Variants in KIF26B observed in about 807,000 individuals in gnomAD.
KIF26B encodes kinesin-like protein KIF26B.
In KIF26B, 63 loss-of-function variants were observed where a neutral mutation model predicts 151.2. That is an observed-to-expected ratio of 0.42 (90% CI 0.34 to 0.51). The LOEUF is 0.51. Ranked by LOEUF, KIF26B falls within the 20% of genes least tolerant of loss-of-function variation. The pLI, the probability that KIF26B is intolerant of heterozygous loss-of-function variation, is 0.07. For missense variants in KIF26B, 2,813 were observed against 2,913.6 expected (o/e 0.97, Z 0.79); for synonymous variants, 1,357 against 1,262.1 (o/e 1.08, Z -1.59).
chr1:245,362,329 C>G (rs1672840539), intron 2 of KIF26B, among the ~76,000 whole-genome samples: 1 of 145,064 alleles, frequency 6.9e-6, no homozygotes, highest in Admixed American at 7.0e-5. Context: ...GAGATCAAGA[C>G]CATCCTGGCC....
chr1:245,677,017 ATGC>A (rs2044365461), intron 10 of KIF26B, among the ~76,000 whole-genome samples: 1 of 152,204 alleles, frequency 6.6e-6, no homozygotes, highest in African/African-American at 2.4e-5. Context: ...ATCTCAAATG[ATGC>A]TGCTTGCACC....
chr1:245,177,692 G>A (rs1298608876), intron 2 of KIF26B, among the ~76,000 whole-genome samples: 2 of 142,528 alleles, frequency 1.4e-5, no homozygotes, highest in Admixed American at 6.9e-5. Context: ...GTGTGTGTGT[G>A]TGTCTTTCCC....
rs1289869331 is a variant in KIF26B, at chr1:245,702,903, G to C, written c.*297G>C. ...AAGACCTTGTTTGTACATAAGAACT[G>C]CTAGCAAAAGAGACCTCACTCTTCT... On this transcript the variant is annotated 3_prime_UTR_variant, in exon 15 of 15. Coordinates refer to ENST00000407071, the MANE Select transcript of KIF26B (RefSeq NM_018012.4). The surrounding 1 kb of genome is among the most constrained non-coding windows in gnomAD (Gnocchi z 4.1). 3 of 325,838 alleles carry C rather than the reference G, an allele frequency of 9.2e-6. No individual in the cohort carries two copies. Among genetic ancestry groups the C allele is most frequent in the African/African-American group, 6.3e-5 (3 of 47,390 alleles). The allele number at this position is 325,838 out of a possible 1,614,324, so 20.2% of individuals were successfully genotyped here. A position where few individuals can be genotyped will look rare whatever the true frequency, so the allele number is the denominator to read the frequency against.
chr1:245,559,402 GT>G (rs879313068), intron 5 of KIF26B, among the ~76,000 whole-genome samples: 6 of 148,360 alleles, frequency 4.0e-5, no homozygotes, highest in East Asian at 2.0e-4. Context: ...GAGTAACAAG[GT>G]TTTTTTTTTG....
intron 3 of KIF26B, among the ~76,000 whole-genome samples, chr1:245,374,519 G>A (rs1673226953): frequency 1.3e-5 from 2 of 152,048 alleles, no homozygotes; most frequent in Admixed American, 6.6e-5. Flanking sequence ...GCTCTTGAGG[G>A]CTCATCCAGC....
At chr1:245,191,291 A>G (rs1217761693) in intron 2 of KIF26B, among the ~76,000 whole-genome samples, 1 of 151,692 alleles carries the variant, frequency 6.6e-6, no homozygotes, top group African/African-American at 2.4e-5. Flanking sequence ...CCTGGCCAAC[A>G]TGGTGAAACC....
At chr1:245,274,408 T>C (rs900829183) in intron 2 of KIF26B, among the ~76,000 whole-genome samples, 5 of 151,782 alleles carry the variant, frequency 3.3e-5, no homozygotes, top group Non-Finnish European at 7.4e-5. Flanking sequence ...CGGTGTGTGA[T>C]GTTCCCCTCC....
intron 3 of KIF26B, among the ~76,000 whole-genome samples, chr1:245,388,786 G>A (rs571327161): frequency 6.6e-6 from 1 of 152,318 alleles, no homozygotes. Flanking sequence ...AGTCTGTTGG[G>A]TGGAAGACAT....
At chr1:245,281,235 T>C (rs1671043590) in intron 2 of KIF26B, among the ~76,000 whole-genome samples, 1 of 77,612 alleles carries the variant, frequency 1.3e-5, no homozygotes, top group Non-Finnish European at 2.4e-5. Context: ...TGTAAAAGTG[T>C]TCCTATTTCT....
chr1:245,706,158 A>G lies in KIF26B; in HGVS notation c.*3552A>G, dbSNP rs1232164692. The stretch of plus-strand genomic sequence containing the variant: ...AACTTGAAGTCTATTATGTTCTTAT[A>G]AGGCGGTAGTGACTTCAGTCCAGCC... On this transcript the variant is annotated 3_prime_UTR_variant, in exon 15 of 15. Coordinates refer to ENST00000407071, the MANE Select transcript of KIF26B (RefSeq NM_018012.4). 6.6e-6 allele frequency: 1 copy of G among 152,176 alleles called. No homozygotes were observed. Among genetic ancestry groups the G allele is most frequent in the East Asian group, 1.9e-4 (1 of 5,188 alleles). The allele number at this position is 152,176 out of a possible 1,614,324, so 9.4% of individuals were successfully genotyped here. A position where few individuals can be genotyped will look rare whatever the true frequency, so the allele number is the denominator to read the frequency against.
intron 2 of KIF26B, among the ~76,000 whole-genome samples, chr1:245,305,250 A>G (rs1671513839): frequency 6.6e-6 from 1 of 152,244 alleles, no homozygotes; most frequent in South Asian, 2.1e-4. Context: ...TTGGGACTAT[A>G]TCAAAATGGA....
intron 3 of KIF26B, among the ~76,000 whole-genome samples, chr1:245,392,693 A>G (rs1470038533): frequency 6.6e-6 from 1 of 152,024 alleles, no homozygotes; most frequent in African/African-American, 2.4e-5. Context: ...TGTCACAGGG[A>G]TGTCTTTTGG....
chr1:245,205,041 C>T (rs1669374968), intron 2 of KIF26B, among the ~76,000 whole-genome samples: 1 of 152,156 alleles, frequency 6.6e-6, no homozygotes, highest in African/African-American at 2.4e-5. Context: ...CTGCCTTGGA[C>T]TCCCAAAGTG....
chr1:245,474,414 TG>T lies in KIF26B; in HGVS notation c.1166+54670del, dbSNP rs1333059846. Among the ~76,000 whole-genome samples the T allele has an allele frequency of 3.9e-4, 53 of 137,362 alleles. 2 individuals are homozygous for T. Among genetic ancestry groups the T allele is most frequent in the Middle Eastern group, 4.5e-3 (1 of 222 alleles). 90.1% of individuals were successfully genotyped at this position (137,362 alleles called of 152,430 possible). ...TGAGCCACTGCTCCTGGCTTTTTTT[TG>T]TTGTTGTTTTTTTTTTTTTGGAGTC... On this transcript the variant is annotated intron_variant, in intron 4 of 14. Coordinates refer to ENST00000407071, the MANE Select transcript of KIF26B (RefSeq NM_018012.4).
At chr1:245,472,730 G>A (rs2103064599) in intron 4 of KIF26B, among the ~76,000 whole-genome samples, 1 of 152,300 alleles carries the variant, frequency 6.6e-6, no homozygotes. Flanking sequence ...GATAACTCCA[G>A]TGAACTCCTT....
chr1:245,341,968 T>A (rs1363613931), intron 2 of KIF26B, among the ~76,000 whole-genome samples: 2 of 152,212 alleles, frequency 1.3e-5, no homozygotes, highest in Admixed American at 1.3e-4. Flanking sequence ...TGATTTTCTT[T>A]TCACTTCAGT....
chr1:245,521,912 CTGGA>C (rs200314547), intron 4 of KIF26B, among the ~76,000 whole-genome samples: 23,370 of 149,112 alleles, frequency 0.16, 2,347 homozygotes, highest in Middle Eastern at 0.29. Flanking sequence ...GTCACCCAGG[CTGGA>C]TGGAGTGCAG....
intron 3 of KIF26B, among the ~76,000 whole-genome samples, chr1:245,389,252 T>A (rs1382315178): frequency 1.3e-5 from 2 of 152,150 alleles, no homozygotes; most frequent in Non-Finnish European, 2.9e-5. Flanking sequence ...TAGCTGGGAT[T>A]ACAGGCATGC....
chr1:245,196,986 T>C (rs1357001893), intron 2 of KIF26B, among the ~76,000 whole-genome samples: 3 of 152,084 alleles, frequency 2.0e-5, no homozygotes, highest in Non-Finnish European at 2.9e-5. Context: ...AATTTTGAGA[T>C]AAGAAATCCT....
Sources: allele counts gnomAD v4.1 joint callset (sites outside exome capture counted in the v4.1 genomes callset), GRCh38; gene constraint gnomAD v4.1.1; non-coding constraint Gnocchi (gnomAD v3.1); transcripts MANE v1.5; gene names NCBI Gene and HGNC (gene_info 2026-07-23, HGNC 2026-07-21).